Variants in SLIT3 observed in about 807,000 individuals in gnomAD.
The protein encoded by SLIT3 is slit homolog 3 protein.
Under a neutral mutation model 184.0 loss-of-function variants are expected in SLIT3, and 68 were observed. The ratio of observed to expected loss-of-function variants is 0.37; its 90% CI spans 0.30 to 0.45. SLIT3 has a LOEUF of 0.45. Among genes scored for constraint, SLIT3 ranks in the 20% least tolerant of loss-of-function variants. The probability of loss-of-function intolerance (pLI) is 1.00; values close to 1 mark genes in which losing one functional copy is unlikely to be tolerated. For missense variants in SLIT3, 1,707 were observed against 2,026.0 expected (o/e 0.84, Z 3.02); for synonymous variants, 831 against 828.6 (o/e 1.00, Z -0.05).
chr5:168,731,735 A>C (rs1200406863), intron 20 of SLIT3, among the ~76,000 whole-genome samples: 1 of 152,092 alleles, frequency 6.6e-6, no homozygotes, highest in African/African-American at 2.4e-5. Context: ...CAGAAAAAGC[A>C]TTTGAGAAAA....
intron 4 of SLIT3, among the ~76,000 whole-genome samples, chr5:168,994,693 T>C (rs372124630): frequency 1.9e-4 from 24 of 128,800 alleles, no homozygotes; most frequent in African/African-American, 6.8e-4. Flanking sequence ...TCACCCAGGC[T>C]GGAGTGCAAT....
At chr5:169,151,764 G>A (rs1561699859) in intron 4 of SLIT3, among the ~76,000 whole-genome samples, 1 of 152,154 alleles carries the variant, frequency 6.6e-6, no homozygotes, top group African/African-American at 2.4e-5. Context: ...CTTCCTCATC[G>A]AGTAAGTGGG....
At chr5:168,715,966 C>T (rs1762713434) in intron 23 of SLIT3, among the ~76,000 whole-genome samples, 1 of 151,066 alleles carries the variant, frequency 6.6e-6, no homozygotes. Flanking sequence ...GCCACTGCGC[C>T]CAGCCTACAT....
intron 1 of SLIT3, among the ~76,000 whole-genome samples, chr5:169,295,930 G>C (rs1191830951): frequency 6.6e-6 from 1 of 152,216 alleles, no homozygotes; most frequent in African/African-American, 2.4e-5. Context: ...TGTGGTTTAA[G>C]TGCTCAGGAT....
intron 5 of SLIT3, among the ~76,000 whole-genome samples, chr5:168,858,249 G>C (rs1028151572): frequency 6.6e-6 from 1 of 152,188 alleles, no homozygotes; most frequent in Admixed American, 6.5e-5. Flanking sequence ...GACTCACTGA[G>C]AAGTTCTGGG....
chr5:168,975,316 C>T (rs1754712117), intron 4 of SLIT3, among the ~76,000 whole-genome samples: 1 of 152,176 alleles, frequency 6.6e-6, no homozygotes, highest in Non-Finnish European at 1.5e-5. Context: ...GTGAACTCTG[C>T]TTCTGAAATC....
intron 4 of SLIT3, chr5:169,013,186 T>C (rs1349342747): frequency 2.6e-5 from 4 of 152,292 alleles, no homozygotes; most frequent in African/African-American, 9.6e-5. Flanking sequence ...TGTCCCATCC[T>C]TCTGTGATGT....
intron 4 of SLIT3, among the ~76,000 whole-genome samples, chr5:168,960,319 C>T (rs1762961417): frequency 6.6e-6 from 1 of 152,188 alleles, no homozygotes; most frequent in South Asian, 2.1e-4. Context: ...TGCCTCTTCT[C>T]TGAATTACAA....
chr5:169,212,695 A>G (rs59911583), intron 3 of SLIT3, among the ~76,000 whole-genome samples: 5,590 of 152,272 alleles, frequency 0.037, 322 homozygotes, highest in African/African-American at 0.12. Flanking sequence ...GTCTTTGCCC[A>G]TGCCTATGTC....
At chr5:169,143,339 T>C (rs1050335152) in intron 4 of SLIT3, among the ~76,000 whole-genome samples, 4 of 152,214 alleles carry the variant, frequency 2.6e-5, no homozygotes, top group Non-Finnish European at 5.9e-5. Context: ...CACCTTCCTT[T>C]TGAAGATGTA....
At position 168,666,369 on chromosome 5, in the gene SLIT3, A is replaced by G; in HGVS notation, c.*85T>C. 1.5e-6 allele frequency: 2 copies of G among 1,306,302 alleles called. No individual in the cohort carries two copies. Among genetic ancestry groups the G allele is most frequent in the South Asian group, 1.7e-5 (1 of 58,228 alleles). 80.9% of individuals were successfully genotyped at this position (1,306,302 alleles called of 1,614,324 possible). A position where few individuals can be genotyped will look rare whatever the true frequency, so the allele number is the denominator to read the frequency against. ...CTTCCTCTCCAGCTTCATTTCCTTC[A>G]TGCTGAATCACCAGGGGGTCCCACA... is the stretch of plus-strand genomic sequence containing the variant. On this transcript the variant is annotated 3_prime_UTR_variant, in exon 36 of 36. Transcript: ENST00000519560.
intron 10 of SLIT3, chr5:168,790,776 G>A (rs1268518454): frequency 3.3e-5 from 5 of 152,208 alleles, no homozygotes; most frequent in Non-Finnish European, 7.3e-5. Context: ...ATTGACTCCA[G>A]CGAAGCCAGA....
At chr5:168,971,768 TTC>T (rs775689241) in intron 4 of SLIT3, among the ~76,000 whole-genome samples, 7 of 152,222 alleles carry the variant, frequency 4.6e-5, no homozygotes, top group Non-Finnish European at 7.4e-5. Flanking sequence ...TCTGCTTTGA[TTC>T]TCTTTCTTCT....
intron 4 of SLIT3, among the ~76,000 whole-genome samples, chr5:169,172,109 G>C (rs943042437): frequency 6.6e-6 from 1 of 152,174 alleles, no homozygotes; most frequent in South Asian, 2.1e-4. Flanking sequence ...AAAGGTCCTG[G>C]AGAGGAAAAT....
intron 4 of SLIT3, chr5:169,037,885 C>T (rs1359207671): frequency 6.6e-6 from 1 of 152,234 alleles, no homozygotes; most frequent in Non-Finnish European, 1.5e-5. Context: ...TTTACAGCTG[C>T]CTCATGATAT....
chr5:169,202,988 A>G (rs946556865), intron 3 of SLIT3, among the ~76,000 whole-genome samples: 2 of 152,166 alleles, frequency 1.3e-5, no homozygotes, highest in Non-Finnish European at 2.9e-5. Context: ...ATGCCCCTGC[A>G]TCCAGAAGAT....
At chr5:168,755,108 A>C (rs995311456) in intron 16 of SLIT3, among the ~76,000 whole-genome samples, 1 of 152,208 alleles carries the variant, frequency 6.6e-6, no homozygotes, top group African/African-American at 2.4e-5. Context: ...TCAAACCCTC[A>C]AAACGATGGC....
At chr5:169,102,619 C>T (rs1254976628) in intron 4 of SLIT3, among the ~76,000 whole-genome samples, 1 of 152,032 alleles carries the variant, frequency 6.6e-6, no homozygotes, top group Non-Finnish European at 1.5e-5. Flanking sequence ...TTGGTTGAAA[C>T]CATGGATATG....
chr5:168,952,114 C>T (rs1033850994), intron 4 of SLIT3, among the ~76,000 whole-genome samples: 3 of 152,170 alleles, frequency 2.0e-5, no homozygotes, highest in African/African-American at 4.8e-5. Flanking sequence ...CCCCAAAGAT[C>T]GCAAGTGCTG....
Sources: gnomAD v4.1 joint callset for allele counts (sites outside exome capture counted in the v4.1 genomes callset) on GRCh38, gnomAD v4.1.1 for gene constraint, MANE v1.5 for transcripts, NCBI Gene and HGNC (gene_info 2026-07-23, HGNC 2026-07-21) for gene names.